ITGA9: variants seen among roughly 807,000 people sequenced by gnomAD.
ITGA9 encodes integrin alpha-9.
In ITGA9, 56 loss-of-function variants were observed where a neutral mutation model predicts 127.8. The observed-to-expected ratio is 0.44, with a 90% confidence interval of 0.35 to 0.55. The LOEUF is 0.55. Ranked by LOEUF, ITGA9 falls within the 20% of genes least tolerant of loss-of-function variation. The pLI is 0.00. For synonymous variants in ITGA9, 508 were observed against 514.5 expected (o/e 0.99, Z 0.17); for missense variants, 1,196 against 1,347.1 (o/e 0.89, Z 1.76).
intron 26 of ITGA9, among the ~76,000 whole-genome samples, chr3:37,800,921 C>G (rs938215845): frequency 2.6e-5 from 4 of 152,052 alleles, no homozygotes; most frequent in Non-Finnish European, 5.9e-5. Context: ...GAGGCTGAAG[C>G]AGGTGGATCA....
rs1286876457 is a variant in ITGA9 at position 37,512,013 on chromosome 3, CTTTTCTT to C, written c.898-1747_898-1741del. On this transcript the variant is annotated intron_variant, in intron 8 of 27. Transcript: ENST00000264741. ...CTTTTCTTTTCTTTTCTTTTCTTTT[CTTTTCTT>C]TTCTTTTCTTTCTTTCTTTCTTTCT... Among the ~76,000 whole-genome samples the C allele has an allele frequency of 1.2e-3, 44 of 35,532 alleles. 4 individuals carry two copies. Among genetic ancestry groups the C allele is most frequent in the African/African-American group, 1.7e-3 (20 of 11,808 alleles). 23.3% of individuals were successfully genotyped at this position (35,532 alleles called of 152,430 possible).
At chr3:37,779,062 A>G (rs1696943412) in intron 24 of ITGA9, among the ~76,000 whole-genome samples, 2 of 152,232 alleles carry the variant, frequency 1.3e-5, no homozygotes, top group South Asian at 2.1e-4. Context: ...ATAAAAAAGA[A>G]AACTTTTGTA....
intron 23 of ITGA9, among the ~76,000 whole-genome samples, chr3:37,771,861 CA>C (rs1696848392): frequency 6.6e-6 from 1 of 151,968 alleles, no homozygotes; most frequent in South Asian, 2.1e-4. Flanking sequence ...CTGAGGTTTC[CA>C]GGCTAGTGGT....
intron 18 of ITGA9, among the ~76,000 whole-genome samples, chr3:37,700,388 C>G (rs1700933570): frequency 1.3e-5 from 2 of 152,174 alleles, no homozygotes; most frequent in African/African-American, 4.8e-5. Flanking sequence ...AGGTCTCACT[C>G]TGTTGCCCAG....
chr3:37,542,550 GA>G lies in ITGA9; in HGVS notation c.1655del (p.Glu552GlyfsTer11). ...AGAGAAGCTGCAGCTGACTTACATG[GA>G]GGAGACGTGTCGTCACTATGTGGCC... ...VTEKLQLTYM[E>X]ETCRHYVAHV... On this transcript the variant is annotated frameshift_variant, in exon 15 of 28. Transcript: ENST00000264741. LOFTEE classifies it high-confidence loss of function. 4 of 1,614,186 alleles carry G rather than the reference GA, an allele frequency of 2.5e-6. No homozygotes were observed. Among genetic ancestry groups the G allele is most frequent in the Non-Finnish European group, 3.4e-6 (4 of 1,180,036 alleles).
At position 37,751,361 on chromosome 3, in the gene ITGA9, A is replaced by G. The variant is rs192804642; in HGVS notation, c.2541+792A>G. Among the ~76,000 whole-genome samples the G allele has an allele frequency of 6.9e-4, 105 of 152,324 alleles. No homozygotes were observed. In the South Asian group the frequency reaches 0.021, roughly 30 times the overall value. On this transcript the variant is annotated intron_variant, in intron 23 of 27. Transcript: ENST00000264741. Reference sequence around the variant, plus strand: ...GTTGGAACTTAGCATGAGGTGAACAAACCACACAGGCTTCTGGCTACCCTC... The same window carrying G: ...GTTGGAACTTAGCATGAGGTGAACAGACCACACAGGCTTCTGGCTACCCTC...
chr3:37,519,465 T>C, intron 11 of ITGA9, 111 bp downstream of exon 11: 2 of 840,228 alleles, frequency 2.4e-6, no homozygotes, highest in East Asian at 2.7e-5. Context: ...ACATTTTTCT[T>C]GCCTTGGCCT....
intron 17 of ITGA9, among the ~76,000 whole-genome samples, chr3:37,667,613 T>C (rs1490747420): frequency 1.3e-5 from 2 of 152,172 alleles, no homozygotes; most frequent in Non-Finnish European, 2.9e-5. Context: ...GCACAACCCA[T>C]GACTCTGGGA....
chr3:37,802,464 G>T (rs1301163877), intron 26 of ITGA9, among the ~76,000 whole-genome samples: 1 of 152,216 alleles, frequency 6.6e-6, no homozygotes, highest in African/African-American at 2.4e-5. Flanking sequence ...ACATTCCAAA[G>T]AGATGGCAAA....
chr3:37,512,790 C>T (rs551534867), intron 8 of ITGA9, among the ~76,000 whole-genome samples: 20 of 152,182 alleles, frequency 1.3e-4, no homozygotes, highest in African/African-American at 4.6e-4. Context: ...GGCTTGTGGG[C>T]TCCAGTTTGC....
intron 15 of ITGA9, among the ~76,000 whole-genome samples, chr3:37,557,243 G>A (rs574827906): frequency 1.8e-4 from 27 of 152,168 alleles, no homozygotes; most frequent in Admixed American, 1.0e-3. Flanking sequence ...AAATTGCATG[G>A]GTCCTTCCTG....
Position 37,772,505 on chromosome 3 carries a change from C to T in ITGA9, c.2542-4887C>T, listed in dbSNP as rs372767413. Among the ~76,000 whole-genome samples the T allele has an allele frequency of 4.6e-5, 7 of 152,094 alleles. No homozygotes were observed. In the South Asian group the frequency reaches 1.3e-3, roughly 27 times the overall value. ...TGTGTGGAAAGCACCGAGAGCCTGG[C>T]GTGCAGTAAGGGCCATGCAAGTGTT... On this transcript the variant is annotated intron_variant, in intron 23 of 27. Transcript: ENST00000264741.
chr3:37,553,238 C>G (rs1353701161), intron 15 of ITGA9, among the ~76,000 whole-genome samples: 3 of 152,156 alleles, frequency 2.0e-5, no homozygotes. Context: ...CAAGGACATT[C>G]TTTTACGTAA....
intron 23 of ITGA9, among the ~76,000 whole-genome samples, chr3:37,775,351 A>T (rs2125549203): frequency 6.6e-6 from 1 of 152,292 alleles, no homozygotes; most frequent in Admixed American, 6.5e-5. Flanking sequence ...TATTATTAAA[A>T]AGTCAAAAAT....
In ITGA9 at chr3:37,601,996, G is replaced by T. The variant is rs1404265052; in HGVS notation, c.1690-27191G>T. ...AGCAAGCGGGGAGTGGAGGTGCCAG[G>T]CTCTTTTTAACAACCAGCTGTTGTA... On this transcript the variant is annotated intron_variant, in intron 15 of 27. Transcript: ENST00000264741. 5.3e-5 allele frequency among the ~76,000 whole-genome samples: 8 copies of T among 152,092 alleles called. 1 individual carries two copies. The highest frequency in any genetic ancestry group is 1.9e-4 in the African/African-American group (8 of 41,418).
chr3:37,544,410 T>G (rs1484916788), intron 15 of ITGA9, among the ~76,000 whole-genome samples: 2 of 152,338 alleles, frequency 1.3e-5, no homozygotes, highest in East Asian at 3.9e-4. Context: ...GAATAATTTT[T>G]TAGTATGAGT....
intron 4 of ITGA9, among the ~76,000 whole-genome samples, chr3:37,487,320 G>T (rs1316786540): frequency 6.6e-6 from 1 of 152,214 alleles, no homozygotes; most frequent in African/African-American, 2.4e-5. Flanking sequence ...CTGAGGGGGA[G>T]GAAGGGAGGG....
intron 11 of ITGA9, 150 bp from the exon 12 acceptor site, chr3:37,523,371 G>A (rs1699063041): frequency 1.5e-6 from 1 of 672,446 alleles, no homozygotes; most frequent in African/African-American, 1.8e-5. Flanking sequence ...GCCTGCTAAA[G>A]ACTTGCTGAT....
chr3:37,496,858 T>A (rs998577393), intron 5 of ITGA9, among the ~76,000 whole-genome samples: 1 of 152,186 alleles, frequency 6.6e-6, no homozygotes. Context: ...AAGTGTTTCT[T>A]TAGAAGAGAC....
Sources: allele counts gnomAD v4.1 joint callset (sites outside exome capture counted in the v4.1 genomes callset), GRCh38; gene constraint gnomAD v4.1.1; transcripts MANE v1.5; gene names NCBI Gene and HGNC (gene_info 2026-07-23, HGNC 2026-07-21).